Variants in CHRM3 observed in about 807,000 individuals in gnomAD.
The protein encoded by CHRM3 is cholinergic receptor muscarinic 3.
A neutral mutation model predicts 41.8 loss-of-function variants in CHRM3; 11 were observed. That is an observed-to-expected ratio of 0.26 (90% CI 0.17 to 0.44). CHRM3 has a LOEUF of 0.44. CHRM3 is among the 20% of genes least tolerant of loss of function. CHRM3 has a pLI of 1.00. For missense variants in CHRM3, 571 were observed against 745.4 expected (o/e 0.77, Z 2.72); for synonymous variants, 297 against 301.4 (o/e 0.99, Z 0.15).
intron 2 of CHRM3, among the ~76,000 whole-genome samples, chr1:239,519,871 C>A (rs1421496585): frequency 6.6e-6 from 1 of 151,456 alleles, no homozygotes; most frequent in Admixed American, 6.6e-5. Flanking sequence ...CCTCAGCCTC[C>A]CTAGTAGCTG....
chr1:239,664,462 A>G (rs913694318), intron 4 of CHRM3, among the ~76,000 whole-genome samples: 4 of 152,202 alleles, frequency 2.6e-5, no homozygotes, highest in African/African-American at 9.6e-5. Flanking sequence ...ATTCTGCAAG[A>G]TGGAGAAAAC....
intron 6 of CHRM3, among the ~76,000 whole-genome samples, chr1:239,852,573 T>C (rs1262080107): frequency 6.6e-6 from 1 of 152,174 alleles, no homozygotes; most frequent in Non-Finnish European, 1.5e-5. Flanking sequence ...AATTCGGGGC[T>C]CTTGACTCAA....
intron 2 of CHRM3, among the ~76,000 whole-genome samples, chr1:239,517,656 A>G (rs998779286): frequency 2.0e-5 from 3 of 152,170 alleles, no homozygotes; most frequent in African/African-American, 4.8e-5. Context: ...TGGAGTTACA[A>G]ATTTTTAACA....
intron 6 of CHRM3, among the ~76,000 whole-genome samples, chr1:239,838,516 T>A (rs568848952): frequency 4.6e-4 from 70 of 152,346 alleles, no homozygotes; most frequent in African/African-American, 1.7e-3. Context: ...GTAAAATGCA[T>A]TAAAATTGCC....
intron 5 of CHRM3, among the ~76,000 whole-genome samples, chr1:239,717,319 T>C (rs1662481345): frequency 1.3e-5 from 2 of 152,102 alleles, no homozygotes; most frequent in African/African-American, 4.8e-5. Context: ...ATAGATCCTG[T>C]TGATAACAAG....
chr1:239,799,785 G>A (rs1454098357), intron 5 of CHRM3, among the ~76,000 whole-genome samples: 4 of 152,064 alleles, frequency 2.6e-5, no homozygotes, highest in Non-Finnish European at 4.4e-5. Context: ...AGAAAAGGAG[G>A]GCTCTATAAA....
At chr1:239,730,729 A>G (rs1482690153) in intron 5 of CHRM3, among the ~76,000 whole-genome samples, 1 of 151,966 alleles carries the variant, frequency 6.6e-6, no homozygotes, top group East Asian at 1.9e-4. Context: ...GGGTCCTGAC[A>G]GTGGGGGTAC....
intron 4 of CHRM3, among the ~76,000 whole-genome samples, chr1:239,636,453 A>G (rs1043561142): frequency 1.3e-5 from 2 of 152,214 alleles, no homozygotes; most frequent in African/African-American, 4.8e-5. Context: ...GTGTTAATGT[A>G]TTAAAAATAC....
chr1:239,683,880 T>C (rs1435470655), intron 5 of CHRM3, among the ~76,000 whole-genome samples: 2 of 152,172 alleles, frequency 1.3e-5, no homozygotes, highest in African/African-American at 2.4e-5. Context: ...TGCTTCACTT[T>C]TGCATTTTAG....
intron 5 of CHRM3, among the ~76,000 whole-genome samples, chr1:239,762,505 T>C (rs187902367): frequency 6.6e-6 from 1 of 152,338 alleles, no homozygotes; most frequent in Non-Finnish European, 1.5e-5. Flanking sequence ...AGGGTATTTA[T>C]AACATGTTCA....
chr1:239,818,824 A>C (rs1051596775), intron 5 of CHRM3, among the ~76,000 whole-genome samples: 2 of 152,204 alleles, frequency 1.3e-5, no homozygotes. Flanking sequence ...AGCAGATTGG[A>C]CATTTCAGAG....
At chr1:239,556,973 A>G (rs1234283140) in intron 3 of CHRM3, among the ~76,000 whole-genome samples, 1 of 152,158 alleles carries the variant, frequency 6.6e-6, no homozygotes, top group African/African-American at 2.4e-5. Context: ...TAAATAAATA[A>G]AATTTTTTTA....
intron 6 of CHRM3, among the ~76,000 whole-genome samples, chr1:239,828,777 C>G (rs558069171): frequency 6.6e-6 from 1 of 151,988 alleles, no homozygotes; most frequent in Non-Finnish European, 1.5e-5. Flanking sequence ...TCAGAGGGAC[C>G]CTGTGCTAAG....
chr1:239,865,146 G>A (rs1675982702), intron 6 of CHRM3, among the ~76,000 whole-genome samples: 1 of 152,176 alleles, frequency 6.6e-6, no homozygotes. Context: ...CCAAAGAGAA[G>A]GAGGAATCTC....
At chr1:239,679,004 G>T (rs1658279464) in intron 5 of CHRM3, among the ~76,000 whole-genome samples, 1 of 149,478 alleles carries the variant, frequency 6.7e-6, no homozygotes, top group African/African-American at 2.5e-5. Flanking sequence ...TTGTGAGTAT[G>T]TAACATAGAT....
chr1:239,432,914 A>C (rs963156996), intron 1 of CHRM3, among the ~76,000 whole-genome samples: 1 of 152,164 alleles, frequency 6.6e-6, no homozygotes, highest in Non-Finnish European at 1.5e-5. Flanking sequence ...TAATTAATTC[A>C]ACAACTATTT....
intron 1 of CHRM3, among the ~76,000 whole-genome samples, chr1:239,442,263 C>T (rs1053494677): frequency 5.9e-5 from 9 of 151,994 alleles, no homozygotes; most frequent in African/African-American, 2.2e-4. Context: ...CCTGTCACCA[C>T]GCCCAGCTGA....
rs1228516023 is a variant in CHRM3, at chr1:239,644,775, C to T, written c.-250+12489C>T. Reference sequence around the variant, plus strand: ...GCTGAGCTTTTGTATTTCTGACAAGCTTTCAGATGAAGCTGCACGTTGATG... The same window carrying T: ...GCTGAGCTTTTGTATTTCTGACAAGTTTTCAGATGAAGCTGCACGTTGATG... On this transcript the variant is annotated intron_variant, in intron 4 of 6. Transcript: ENST00000676153. Among the ~76,000 whole-genome samples, 4 of 152,182 alleles carry T rather than the reference C, an allele frequency of 2.6e-5. No homozygotes were observed. The East Asian group carries it at 7.7e-4, about 29-fold the overall frequency.
Position 239,693,524 on chromosome 1 carries a change from G to T in CHRM3, c.-147+15236G>T, listed in dbSNP as rs551995497. 5.9e-5 allele frequency among the ~76,000 whole-genome samples: 9 copies of T among 152,318 alleles called. No homozygotes were observed. The East Asian group carries it at 1.7e-3, about 29-fold the overall frequency. ...AAATGTCTGTTGTTTAAGGCATCCA[G>T]TGGCATTTTGTTATGGCAGCCCAAG... On this transcript the variant is annotated intron_variant, in intron 5 of 6. Coordinates refer to ENST00000676153, the MANE Select transcript of CHRM3 (RefSeq NM_001375978.1).
Sources: gnomAD v4.1 joint callset for allele counts (sites outside exome capture counted in the v4.1 genomes callset) on GRCh38, gnomAD v4.1.1 for gene constraint, MANE v1.5 for transcripts, NCBI Gene and HGNC (gene_info 2026-07-23, HGNC 2026-07-21) for gene names.